The following TENM2 variants were observed in gnomAD, a reference collection of about 807,000 sequenced individuals.
TENM2 encodes the protein teneurin transmembrane protein 2.
TENM2 carries 52 observed loss-of-function variants against 245.2 expected under a neutral mutation model. The ratio of observed to expected loss-of-function variants is 0.21; its 90% CI spans 0.17 to 0.27. The LOEUF (loss-of-function observed/expected upper bound fraction) is 0.27, where lower values mean the gene tolerates loss of function less well. TENM2 is among the 10% of genes least tolerant of loss of function. The pLI is 1.00. For synonymous variants in TENM2, 1,363 were observed against 1,438.9 expected, an observed-to-expected ratio of 0.95 and a Z score of 1.19; for missense variants, 3,046 against 3,666.8, an observed-to-expected ratio of 0.83 and a Z score of 4.37.
Position 168,218,081 on chromosome 5 carries a change from C to G in TENM2, c.4234-44C>G. ...AAGTGCCGTACGGTTAAACGTTGGA[C>G]ATATTAAAGGCTGTTCTTTAATCTG... On this transcript the variant is annotated intron_variant, in intron 22 of 28. Transcript: ENST00000518659. The surrounding 1 kb of genome is among the most constrained non-coding windows in gnomAD (Gnocchi z 5.2). The G allele has an allele frequency of 6.3e-7, 1 of 1,578,718 alleles. No homozygotes were observed. Among genetic ancestry groups the G allele is most frequent in the East Asian group, 2.3e-5 (1 of 44,430 alleles).
chr5:167,353,582 A>C (rs1327308497), intron 1 of TENM2, among the ~76,000 whole-genome samples: 1 of 128,614 alleles, frequency 7.8e-6, no homozygotes, highest in East Asian at 2.5e-4. Flanking sequence ...ATCTCGGCTC[A>C]CTGCAAGCTC....
At chr5:167,612,387 G>T (rs868494490) in intron 2 of TENM2, among the ~76,000 whole-genome samples, 5 of 151,712 alleles carry the variant, frequency 3.3e-5, no homozygotes, top group African/African-American at 1.2e-4. Flanking sequence ...TTTAATTTTC[G>T]TAAGTTACAT....
the TENM2 span, among the ~76,000 whole-genome samples, chr5:167,262,133 T>G: frequency 2.0e-5 from 3 of 152,120 alleles, no homozygotes; most frequent in Non-Finnish European, 4.4e-5. Context: ...TTGGAAGAGA[T>G]AACACAAGAA....
chr5:167,826,285 A>C (rs2151067581), intron 2 of TENM2, among the ~76,000 whole-genome samples: 1 of 152,320 alleles, frequency 6.6e-6, no homozygotes, highest in African/African-American at 2.4e-5. Context: ...GTTCTGACTA[A>C]CTGGGGCTCC....
chr5:167,358,194 A>G (rs769375275), intron 1 of TENM2, among the ~76,000 whole-genome samples: 8 of 152,184 alleles, frequency 5.3e-5, no homozygotes, highest in Non-Finnish European at 1.2e-4. Context: ...AGAGCTGTCT[A>G]TCACATTGCT....
chr5:167,135,859 T>C, the TENM2 span, among the ~76,000 whole-genome samples: 3 of 152,158 alleles, frequency 2.0e-5, no homozygotes, highest in African/African-American at 7.2e-5. Flanking sequence ...CAGAACCATA[T>C]AGTGATCTTG....
chr5:167,118,892 AG>A, the TENM2 span, among the ~76,000 whole-genome samples: 22 of 152,320 alleles, frequency 1.4e-4, no homozygotes, highest in Non-Finnish European at 2.1e-4. Context: ...GGTATTTATA[AG>A]GAAGGCTTTT....
intron 6 of TENM2, among the ~76,000 whole-genome samples, chr5:168,048,928 TG>T (rs1369156829): frequency 2.6e-5 from 4 of 152,184 alleles, no homozygotes. Flanking sequence ...GACCTAAAAC[TG>T]AAAAGTATAT....
In TENM2 at chr5:167,943,072, C is replaced by T. The variant is rs1185048187; in HGVS notation, c.713-9516C>T. On this transcript the variant is annotated intron_variant, in intron 3 of 28. Coordinates refer to ENST00000518659, the Ensembl canonical transcript of TENM2. ...ACACCAGATGCAGTTCAAGGTCTGACATTCAGCTGGCTTCTGTTTATATAG... is the reference window on the plus strand; with the variant it reads ...ACACCAGATGCAGTTCAAGGTCTGATATTCAGCTGGCTTCTGTTTATATAG... Among the ~76,000 whole-genome samples, 3 of 152,216 alleles carry T rather than the reference C, an allele frequency of 2.0e-5. No homozygotes were observed. In the East Asian group the frequency reaches 5.8e-4, roughly 29 times the overall value.
At chr5:167,131,937 C>T in the TENM2 span, among the ~76,000 whole-genome samples, 16 of 152,252 alleles carry the variant, frequency 1.1e-4, no homozygotes, top group African/African-American at 3.1e-4. Context: ...ATTCTCCTGC[C>T]TCAGCCTCCT....
intron 2 of TENM2, among the ~76,000 whole-genome samples, chr5:167,675,444 T>C (rs1022722530): frequency 2.0e-5 from 3 of 152,130 alleles, no homozygotes; most frequent in Non-Finnish European, 4.4e-5. Context: ...ATGTGGCTGA[T>C]GCACACCTTG....
intron 3 of TENM2, 32 bp downstream of exon 5, chr5:167,876,227 GTGT>G (rs1429195402): frequency 6.7e-7 from 1 of 1,499,242 alleles, no homozygotes; most frequent in East Asian, 2.5e-5. Flanking sequence ...TGAATGTGTG[GTGT>G]TTCGTGAGTG....
chr5:167,123,317 G>C, the TENM2 span, among the ~76,000 whole-genome samples: 3 of 152,134 alleles, frequency 2.0e-5, no homozygotes, highest in Non-Finnish European at 4.4e-5. Flanking sequence ...AATAGAGCAA[G>C]ACTCTGTCTC....
At chr5:166,998,762 C>T in the TENM2 span, among the ~76,000 whole-genome samples, 1 of 152,158 alleles carries the variant, frequency 6.6e-6, no homozygotes, top group South Asian at 2.1e-4. Context: ...GAAATGTGAA[C>T]ACACATGGGA....
At chr5:167,622,154 A>G (rs1778214846) in intron 2 of TENM2, among the ~76,000 whole-genome samples, 1 of 152,162 alleles carries the variant, frequency 6.6e-6, no homozygotes, top group African/African-American at 2.4e-5. Context: ...TTAGGAAATT[A>G]ATTATATTTT....
the TENM2 span, among the ~76,000 whole-genome samples, chr5:167,138,506 C>T: frequency 1.8e-4 from 27 of 152,114 alleles, no homozygotes; most frequent in African/African-American, 1.7e-4. Flanking sequence ...TTTGGTCTGT[C>T]GCTTACAAAC....
At chr5:167,735,363 T>G (rs1215362010) in intron 2 of TENM2, among the ~76,000 whole-genome samples, 1 of 152,258 alleles carries the variant, frequency 6.6e-6, no homozygotes, top group African/African-American at 2.4e-5. Flanking sequence ...GTTGCTTCTT[T>G]GTGAAAATCA....
At chr5:167,415,164 G>T (rs914008678) in intron 2 of TENM2, among the ~76,000 whole-genome samples, 4 of 152,012 alleles carry the variant, frequency 2.6e-5, no homozygotes, top group African/African-American at 7.2e-5. Context: ...GTCCGCCACA[G>T]GAAGATTTCT....
chr5:167,167,401 C>T, the TENM2 span, among the ~76,000 whole-genome samples: 1 of 152,278 alleles, frequency 6.6e-6, no homozygotes, highest in South Asian at 2.1e-4. Flanking sequence ...TCAAACACGT[C>T]GCAGCATCAA....
Sources: allele counts gnomAD v4.1 joint callset (sites outside exome capture counted in the v4.1 genomes callset), GRCh38; gene constraint gnomAD v4.1.1; non-coding constraint Gnocchi (gnomAD v3.1); transcripts MANE v1.5; gene names NCBI Gene and HGNC (gene_info 2026-07-23, HGNC 2026-07-21).